Variants in PRKCI observed in about 807,000 individuals in gnomAD.
The protein encoded by PRKCI is protein kinase C iota type.
A neutral mutation model predicts 84.0 loss-of-function variants in PRKCI; 43 were observed. The observed-to-expected ratio is 0.51, with a 90% CI of 0.40 to 0.66. The LOEUF (loss-of-function observed/expected upper bound fraction) is 0.66. Ranked by LOEUF, PRKCI falls within the 30% of genes least tolerant of loss-of-function variation. PRKCI has a pLI of 0.00. For synonymous variants in PRKCI, 216 were observed against 234.4 expected (o/e 0.92, Z 0.72); for missense variants, 459 against 745.6 (o/e 0.62, Z 4.48).
chr3:170,233,617 A>G (rs938761825), intron 1 of PRKCI, among the ~76,000 whole-genome samples: 3 of 152,236 alleles, frequency 2.0e-5, no homozygotes, highest in African/African-American at 7.2e-5. Flanking sequence ...ACTGAGAGCT[A>G]AGTGTTTATA....
Position 170,291,959 on chromosome 3 carries a change from G to T in PRKCI, c.1291+18G>T. The T allele has an allele frequency of 6.5e-7, 1 of 1,540,990 alleles. No homozygotes were observed. The highest frequency in any genetic ancestry group is 1.1e-5 in the South Asian group (1 of 89,410). ...AGATTATGGTAATAAATAAATTGGTGGTATTATTTTAGCTATTGCTAGATG... is the reference window on the plus strand; with the variant it reads ...AGATTATGGTAATAAATAAATTGGTTGTATTATTTTAGCTATTGCTAGATG... On this transcript the variant is annotated intron_variant, in intron 13 of 17. Coordinates refer to ENST00000295797, the MANE Select transcript of PRKCI (RefSeq NM_002740.6).
chr3:170,265,964 G>C (rs1733848911), intron 4 of PRKCI, among the ~76,000 whole-genome samples: 1 of 152,076 alleles, frequency 6.6e-6, no homozygotes. Context: ...ATTTCTAATT[G>C]AGAGCATTGC....
chr3:170,241,683 G>C (rs1733137390), intron 2 of PRKCI, among the ~76,000 whole-genome samples: 1 of 150,644 alleles, frequency 6.6e-6, no homozygotes, highest in Admixed American at 6.6e-5. Context: ...GAGACAGAGA[G>C]AGAGAGAGAA....
At chr3:170,263,240 A>T in intron 3 of PRKCI, 139 bp from the exon 4 acceptor site, 1 of 617,698 alleles carries the variant, frequency 1.6e-6, no homozygotes, top group Non-Finnish European at 2.9e-6. Flanking sequence ...TATTGATCAC[A>T]TGCTAAGTAT....
chr3:170,249,820 C>T (rs1479918042), intron 2 of PRKCI, among the ~76,000 whole-genome samples: 1 of 151,232 alleles, frequency 6.6e-6, no homozygotes, highest in East Asian at 1.9e-4. Flanking sequence ...AAAATGATAC[C>T]AACTTTCATA....
chr3:170,234,487 A>G (rs1375708219), intron 1 of PRKCI, among the ~76,000 whole-genome samples: 2 of 152,226 alleles, frequency 1.3e-5, no homozygotes, highest in East Asian at 1.9e-4. Flanking sequence ...GGACTTTGAT[A>G]AGGAAGTTAT....
rs184745970 is a variant in PRKCI, at chr3:170,265,646, G to T, written c.364+2217G>T. 5.8e-3 allele frequency among the ~76,000 whole-genome samples: 837 copies of T among 144,468 alleles called. 7 individuals carry two copies. Among genetic ancestry groups the T allele is most frequent in the Non-Finnish European group, 8.5e-3 (568 of 66,476 alleles). The allele number at this position is 144,468 out of a possible 152,430, so 94.8% of individuals were successfully genotyped here. On this transcript the variant is annotated intron_variant, in intron 4 of 17. Transcript: ENST00000295797. Reference sequence around the variant, plus strand: ...TTTTTTTTTTTTTTGAGATGGTCTTGCTCTGTCGCCCAGGCTGGAGTGCAG... The same window carrying T: ...TTTTTTTTTTTTTTGAGATGGTCTTTCTCTGTCGCCCAGGCTGGAGTGCAG...
At chr3:170,242,932 A>C (rs1733172671) in intron 2 of PRKCI, among the ~76,000 whole-genome samples, 1 of 152,024 alleles carries the variant, frequency 6.6e-6, no homozygotes. Flanking sequence ...CAGCCTCCCA[A>C]AGTGCTGGGA....
chr3:170,297,602 C>A (rs1266482059), intron 16 of PRKCI, among the ~76,000 whole-genome samples: 1 of 152,098 alleles, frequency 6.6e-6, no homozygotes, highest in Non-Finnish European at 1.5e-5. Flanking sequence ...CAGTCACTCA[C>A]CACCATGCCC....
intron 2 of PRKCI, among the ~76,000 whole-genome samples, chr3:170,247,019 C>A (rs1303811218): frequency 6.6e-6 from 1 of 151,858 alleles, no homozygotes; most frequent in Non-Finnish European, 1.5e-5. Flanking sequence ...GCAAAATCTG[C>A]TATCAACTTC....
chr3:170,282,962 G>A (rs557466260), intron 11 of PRKCI, among the ~76,000 whole-genome samples: 4 of 151,914 alleles, frequency 2.6e-5, no homozygotes, highest in South Asian at 2.1e-4. Context: ...AAAATTAGCC[G>A]GGCGTGGTGG....
chr3:170,291,995 TGTG>T lies in PRKCI; in HGVS notation c.1291+57_1291+59del. 3.2e-6 allele frequency: 4 copies of T among 1,252,068 alleles called. No homozygotes were observed. The South Asian group carries it at 4.8e-5, about 15-fold the overall frequency. The allele number at this position is 1,252,068 out of a possible 1,614,324, so 77.6% of individuals were successfully genotyped here. On this transcript the variant is annotated intron_variant, in intron 13 of 17. Transcript: ENST00000295797. ...AGCTATTGCTAGATGGGTGGTAAAA[TGTG>T]GTACCAATTGCATTACAGTACACTA...
chr3:170,235,078 T>G (rs1268079962), intron 1 of PRKCI, 152 bp from the exon 2 acceptor site: 1 of 841,070 alleles, frequency 1.2e-6, no homozygotes, highest in Non-Finnish European at 1.8e-6. Context: ...GATATTTTAA[T>G]TTTTACTTGA....
intron 12 of PRKCI, among the ~76,000 whole-genome samples, chr3:170,287,810 T>C (rs1439435834): frequency 7.0e-6 from 1 of 141,930 alleles, no homozygotes; most frequent in Non-Finnish European, 1.5e-5. Flanking sequence ...CTCAGGAGAC[T>C]AAGGCAGGAG....
chr3:170,272,892 T>A (rs1455438445), intron 6 of PRKCI, among the ~76,000 whole-genome samples: 4 of 152,218 alleles, frequency 2.6e-5, no homozygotes, highest in Admixed American at 6.5e-5. Flanking sequence ...CATGTAATTT[T>A]AAGAGGTTAT....
chr3:170,227,719 A>G (rs1732669602), intron 1 of PRKCI, among the ~76,000 whole-genome samples: 1 of 152,222 alleles, frequency 6.6e-6, no homozygotes, highest in Non-Finnish European at 1.5e-5. Flanking sequence ...CTAGATTGTA[A>G]AGACCCTTGA....
chr3:170,253,549 T>G (rs761396119), intron 2 of PRKCI, among the ~76,000 whole-genome samples: 9 of 152,194 alleles, frequency 5.9e-5, no homozygotes, highest in Non-Finnish European at 1.0e-4. Flanking sequence ...CCCAGCACTT[T>G]GGGAGGTTGA....
At chr3:170,227,288 T>C (rs1412640515) in intron 1 of PRKCI, among the ~76,000 whole-genome samples, 2 of 152,174 alleles carry the variant, frequency 1.3e-5, no homozygotes, top group African/African-American at 4.8e-5. Context: ...GTTTAGTAAA[T>C]ATTGTTGAAC....
In PRKCI at chr3:170,270,489, C is replaced by T. The variant is rs986321556; in HGVS notation, c.519C>T (p.Asn173=). The T allele has an allele frequency of 5.6e-6, 9 of 1,613,440 alleles. No individual in the cohort carries two copies. Among genetic ancestry groups the T allele is most frequent in the Admixed American group, 3.3e-5 (2 of 59,934 alleles). Residue 173 remains asparagine, a synonymous_variant, in exon 6 of 18, where the codon AAC becomes AAT. Transcript: ENST00000295797. ...GACGCCAAGGATATAAGTGCATCAA[C>T]TGCAAACTCTTGGTTCATAAGAAGT... is the stretch of plus-strand genomic sequence containing the variant. ...GLGRQGYKCI[N]CKLLVHKKCH...
Sources: allele counts gnomAD v4.1 joint callset (sites outside exome capture counted in the v4.1 genomes callset), GRCh38; gene constraint gnomAD v4.1.1; transcripts MANE v1.5; gene names NCBI Gene and HGNC (gene_info 2026-07-23, HGNC 2026-07-21).